Variants in TMEM132D observed in about 807,000 individuals in gnomAD.
TMEM132D encodes transmembrane protein 132D.
Under a neutral mutation model 62.3 loss-of-function variants are expected in TMEM132D, and 21 were observed. The observed-to-expected ratio is 0.34, with a 90% confidence interval of 0.24 to 0.49. The LOEUF (loss-of-function observed/expected upper bound fraction) is 0.49. Among genes scored for constraint, TMEM132D ranks in the 20% least tolerant of loss-of-function variants. The pLI is 0.99. For synonymous variants in TMEM132D, 621 were observed against 575.6 expected, an observed-to-expected ratio of 1.08 and a Z score of -1.13; for missense variants, 1,346 against 1,402.8, an observed-to-expected ratio of 0.96 and a Z score of 0.65.
chr12:129,337,836 G>A lies in TMEM132D; in HGVS notation c.1116-19C>T, dbSNP rs768652644. The stretch of plus-strand genomic sequence containing the variant: ...ATCCGCACTGGAGAGAAGACACAGA[G>A]GAGAACAGCTTTCAGGGACTGATGA... On this transcript the variant is annotated intron_variant, in intron 3 of 8. Coordinates refer to ENST00000422113, the MANE Select transcript of TMEM132D (RefSeq NM_133448.3). The A allele has an allele frequency of 6.3e-7, 1 of 1,585,118 alleles. No individual in the cohort carries two copies. The highest frequency in any genetic ancestry group is 1.8e-5 in the Admixed American group (1 of 56,428).
intron 3 of TMEM132D, among the ~76,000 whole-genome samples, chr12:129,347,412 A>G (rs1242714375): frequency 3.3e-5 from 5 of 152,160 alleles, no homozygotes; most frequent in African/African-American, 1.2e-4. Flanking sequence ...CCACACATCT[A>G]CAACCATCTG....
chr12:129,531,194 T>G lies in TMEM132D; in HGVS notation c.980A>C (p.Lys327Thr), dbSNP rs1418112190. 1 of 1,611,402 alleles carries G rather than the reference T, an allele frequency of 6.2e-7. No individual in the cohort carries two copies. The highest frequency in any genetic ancestry group is 1.1e-5 in the South Asian group (1 of 90,836). Residue 327 changes from lysine (K) to threonine (T), a missense_variant, in exon 3 of 9, where the codon AAG (lysine) becomes ACG (threonine). Coordinates refer to ENST00000422113, the MANE Select transcript of TMEM132D (RefSeq NM_133448.3). ...CACGCCGATGATGTTCACGCCTTTC[T>G]TCACCTTTGCCCTGTTGGAGACAGC... Reference protein sequence around the residue: ...EDRFTLRAKVKKGVNIIGVRA... With the variant: ...EDRFTLRAKVTKGVNIIGVRA...
intron 3 of TMEM132D, among the ~76,000 whole-genome samples, chr12:129,413,502 G>A (rs148016755): frequency 8.0e-4 from 117 of 147,168 alleles, no homozygotes; most frequent in African/African-American, 2.6e-3. Flanking sequence ...AATAAGTGAC[G>A]TCATTTCCAA....
chr12:129,186,924 A>G (rs975379637), intron 5 of TMEM132D, among the ~76,000 whole-genome samples: 1 of 152,246 alleles, frequency 6.6e-6, no homozygotes, highest in Non-Finnish European at 1.5e-5. Context: ...CTATTTTTGC[A>G]TATTATAAAA....
intron 4 of TMEM132D, among the ~76,000 whole-genome samples, chr12:129,316,490 T>G (rs1429729432): frequency 6.6e-6 from 1 of 152,202 alleles, no homozygotes. Flanking sequence ...CCAGCTTTAT[T>G]CCACTGTGGT....
chr12:129,423,843 C>T (rs1230838817), intron 3 of TMEM132D, among the ~76,000 whole-genome samples: 1 of 152,090 alleles, frequency 6.6e-6, no homozygotes, highest in East Asian at 1.9e-4. Context: ...GCAATGTTTT[C>T]CAATCAGAGC....
intron 2 of TMEM132D, among the ~76,000 whole-genome samples, chr12:129,556,031 G>A (rs1323923012): frequency 6.6e-6 from 1 of 152,170 alleles, no homozygotes; most frequent in East Asian, 1.9e-4. Context: ...GTTTTTCCAT[G>A]AAAATGCCAG....
chr12:129,582,956 A>T (rs1245120259), intron 2 of TMEM132D, among the ~76,000 whole-genome samples: 1 of 148,390 alleles, frequency 6.7e-6, no homozygotes, highest in East Asian at 2.0e-4. Context: ...TTGGAGACAG[A>T]GTCTCACTCT....
At chr12:129,747,625 GAC>G (rs535919273) in intron 1 of TMEM132D, among the ~76,000 whole-genome samples, 33 of 145,404 alleles carry the variant, frequency 2.3e-4, no homozygotes, top group Middle Eastern at 3.9e-3. Flanking sequence ...ACACAACACA[GAC>G]ACACACAGTC....
At position 129,259,211 on chromosome 12, in the gene TMEM132D, C is replaced by T. The variant is rs1380196097; in HGVS notation, c.1300-49548G>A. On this transcript the variant is annotated intron_variant, in intron 4 of 8. Coordinates refer to ENST00000422113, the MANE Select transcript of TMEM132D (RefSeq NM_133448.3). ...TGGGCAGCTGTGTGCCCTTAACAGC[C>T]AACACTCACTGCAGGAGGATCTAGG... 2.0e-5 allele frequency among the ~76,000 whole-genome samples: 3 copies of T among 152,254 alleles called. No individual in the cohort carries two copies. The East Asian group carries it at 5.8e-4, about 29-fold the overall frequency.
At chr12:129,708,610 T>TAA (rs147351316) in intron 1 of TMEM132D, among the ~76,000 whole-genome samples, 31 of 33,116 alleles carry the variant, frequency 9.4e-4, no homozygotes, top group African/African-American at 1.6e-3. Context: ...GAGGCTCAGG[T>TAA]AAAAAAAAAA....
In TMEM132D at chr12:129,159,498, T is replaced by A. The variant is rs77455975; in HGVS notation, c.1443+50022A>T. 2.7e-3 allele frequency among the ~76,000 whole-genome samples: 416 copies of A among 152,264 alleles called. 4 individuals are homozygous for A. Among genetic ancestry groups the A allele is most frequent in the African/African-American group, 9.3e-3 (387 of 41,552 alleles). ...CTGACCAGACACGGGCACTCACACCTGTAATCTCAGCGCTTTGGGAGGCTG... is the reference window on the plus strand; with the variant it reads ...CTGACCAGACACGGGCACTCACACCAGTAATCTCAGCGCTTTGGGAGGCTG... On this transcript the variant is annotated intron_variant, in intron 5 of 8. Transcript: ENST00000422113.
chr12:129,617,814 T>C (rs1477263429), intron 2 of TMEM132D, among the ~76,000 whole-genome samples: 2 of 152,126 alleles, frequency 1.3e-5, no homozygotes. Flanking sequence ...TCCACCCTCA[T>C]AATCTAATCA....
chr12:129,475,477 A>G (rs1405895351), intron 3 of TMEM132D, among the ~76,000 whole-genome samples: 1 of 152,236 alleles, frequency 6.6e-6, no homozygotes, highest in Non-Finnish European at 1.5e-5. Context: ...AGAGACAGAA[A>G]ATAAAGGAGT....
At chr12:129,442,157 A>T (rs1872955683) in intron 3 of TMEM132D, among the ~76,000 whole-genome samples, 1 of 152,228 alleles carries the variant, frequency 6.6e-6, no homozygotes, top group Non-Finnish European at 1.5e-5. Flanking sequence ...AAGAAAAACA[A>T]AAGCCTGCAA....
intron 5 of TMEM132D, among the ~76,000 whole-genome samples, chr12:129,207,633 A>G (rs1878894208): frequency 6.6e-6 from 1 of 152,126 alleles, no homozygotes; most frequent in African/African-American, 2.4e-5. Flanking sequence ...GTGTGGCCAG[A>G]GTGGAGGCAG....
chr12:129,376,764 T>A (rs11060292), intron 3 of TMEM132D, among the ~76,000 whole-genome samples: 2,655 of 152,292 alleles, frequency 0.017, 66 homozygotes, highest in African/African-American at 0.061. Flanking sequence ...ATAAGTGACC[T>A]TAATCTTGCT....
intron 1 of TMEM132D, chr12:129,839,974 C>T (rs1218921875): frequency 6.6e-6 from 1 of 152,202 alleles, no homozygotes. Flanking sequence ...ATCTACACTC[C>T]TCTTTGCTAA....
At chr12:129,203,130 A>G (rs956807958) in intron 5 of TMEM132D, among the ~76,000 whole-genome samples, 9 of 152,160 alleles carry the variant, frequency 5.9e-5, no homozygotes, top group Non-Finnish European at 1.3e-4. Context: ...AGTGTCAGCC[A>G]ACTACAGGTA....
Sources: allele counts gnomAD v4.1 joint callset (sites outside exome capture counted in the v4.1 genomes callset), GRCh38; gene constraint gnomAD v4.1.1; transcripts MANE v1.5; gene names NCBI Gene and HGNC (gene_info 2026-07-23, HGNC 2026-07-21).